The following NODAL variants were observed in gnomAD, a reference collection of about 807,000 sequenced individuals.
NODAL encodes the protein nodal growth differentiation factor.
NODAL carries 12 observed loss-of-function variants against 34.0 expected under a neutral mutation model. The observed-to-expected ratio is 0.35, with a 90% CI of 0.23 to 0.57. The LOEUF is 0.57. Ranked by LOEUF, NODAL falls within the 20% of genes least tolerant of loss-of-function variation. The pLI, the probability that NODAL is intolerant of heterozygous loss-of-function variation, is 0.83. For synonymous variants in NODAL, 162 were observed against 186.4 expected (o/e 0.87, Z 1.07); for missense variants, 390 against 444.2 (o/e 0.88, Z 1.10).
At position 70,435,267 on chromosome 10, in the gene NODAL, C is replaced by A. The variant is rs375311498; in HGVS notation, c.891+19G>T. ...GGCCAGCTTACTGCCTCCCCTCCCC[C>A]TCACGCCTGGCATCCCACCTGGATG... On this transcript the variant is annotated intron_variant, in intron 2 of 2. Coordinates refer to ENST00000287139, the MANE Select transcript of NODAL (RefSeq NM_018055.5). 1.3e-6 allele frequency: 2 copies of A among 1,591,284 alleles called. No individual in the cohort carries two copies. Among genetic ancestry groups the A allele is most frequent in the South Asian group, 2.3e-5 (2 of 88,094 alleles).
chr10:70,441,435 C>T (rs1448477792), intron 1 of NODAL, 40 bp downstream of exon 1: 3 of 1,542,322 alleles, frequency 1.9e-6, no homozygotes, highest in African/African-American at 1.4e-5. Context: ...GGAGGCGCCC[C>T]GGGGGTGCCC....
intron 1 of NODAL, among the ~76,000 whole-genome samples, chr10:70,438,145 T>C (rs533614119): frequency 1.3e-5 from 2 of 151,924 alleles, no homozygotes; most frequent in Admixed American, 1.3e-4. Context: ...AAATACAAAA[T>C]TAGCCAGGCA....
rs755116310 is a variant in NODAL, at chr10:70,435,342, C to T, written c.835G>A (p.Glu279Lys). The change falls in exon 2 of 3, where the codon GAG becomes AAG. Residue 279 changes from glutamate (E) to lysine (K), a missense_variant. Glu to Lys is a moderately conservative substitution (Grantham distance 56, BLOSUM62 1). Coordinates refer to ENST00000287139, the MANE Select transcript of NODAL (RefSeq NM_018055.5). ...TCCTCCCCAACAGGATTAGGACACT[C>T]GCCCTCACAGCGATAGGCGTTGTAC... ...KQYNAYRCEG[E>K]CPNPVGEEFH... 60 of 1,613,916 alleles carry T rather than the reference C, an allele frequency of 3.7e-5. No individual in the cohort carries two copies. The Middle Eastern group carries it at 8.2e-4, about 22-fold the overall frequency.
At position 70,435,703 on chromosome 10, in the gene NODAL, A is replaced by T. The variant is rs760060157; in HGVS notation, c.474T>A (p.Pro158=). The change falls in exon 2 of 3, where the codon CCT becomes CCA. Residue 158 remains proline (P), a synonymous_variant. Transcript: ENST00000287139. The part of the protein sequence containing the change: ...LGSMVLEVTR[P]LSKWLKHPGA... The stretch of plus-strand genomic sequence containing the variant: ...CAGGGTGCTTCAGCCACTTGGAGAG[A>T]GGCCTGGTCACCTCCAAAACCATGC... 7.0e-5 allele frequency: 113 copies of T among 1,614,060 alleles called. No individual in the cohort carries two copies. The highest frequency in any genetic ancestry group is 9.2e-5 in the Non-Finnish European group (108 of 1,180,038).
chr10:70,441,463 G>A lies in NODAL; in HGVS notation c.193+12C>T, dbSNP rs10999338. 0.43 allele frequency: 676,128 copies of A among 1,565,208 alleles called. 152,519 individuals carry two copies. The highest frequency in any genetic ancestry group is 0.57 in the East Asian group (23,658 of 41,806). ...GGGTGCCCAGCAGGGCGCGGCACGC[G>A]GCACTGCCTACCTTCTGCCTGTAGG... On this transcript the variant is annotated intron_variant, in intron 1 of 2. Transcript: ENST00000287139.
At chr10:70,441,167 G>C (rs1283840172) in intron 1 of NODAL, among the ~76,000 whole-genome samples, 1 of 152,210 alleles carries the variant, frequency 6.6e-6, no homozygotes, top group African/African-American at 2.4e-5. Flanking sequence ...CCACCCTTCC[G>C]CGCTGCGCTC....
upstream of NODAL, among the ~76,000 whole-genome samples, chr10:70,445,792 T>C (rs1845482837): frequency 6.6e-6 from 1 of 152,126 alleles, no homozygotes; most frequent in Non-Finnish European, 1.5e-5. Flanking sequence ...TGCTTCCCCA[T>C]AGAAGAGGAG....
intron 2 of NODAL, 32 bp downstream of exon 2, chr10:70,435,254 G>C: frequency 6.4e-7 from 1 of 1,566,380 alleles, no homozygotes; most frequent in Non-Finnish European, 8.7e-7. Context: ...CCAGCTTACT[G>C]CCTCCCCTCC....
chr10:70,447,364 G>A (rs145060013), intron 1 of NODAL, among the ~76,000 whole-genome samples: 224 of 151,856 alleles, frequency 1.5e-3, no homozygotes, highest in Admixed American at 4.4e-3. Flanking sequence ...ATGAGCTACC[G>A]CACCTGGCCA....
chr10:70,443,935 T>C (rs1412692776), upstream of NODAL, among the ~76,000 whole-genome samples: 496 of 147,098 alleles, frequency 3.4e-3, 13 homozygotes, highest in Non-Finnish European at 4.2e-3. Context: ...TGACTCCCCT[T>C]TTTTTTTTTT....
At chr10:70,439,350 T>G (rs1000606770) in intron 1 of NODAL, among the ~76,000 whole-genome samples, 1 of 152,082 alleles carries the variant, frequency 6.6e-6, no homozygotes, top group Non-Finnish European at 1.5e-5. Flanking sequence ...TGGGTTCCCT[T>G]CCAGTCACCG....
chr10:70,435,677 C>T lies in NODAL; in HGVS notation c.500G>A (p.Gly167Glu), dbSNP rs747861963. 15 of 1,613,944 alleles carry T rather than the reference C, an allele frequency of 9.3e-6. No homozygotes were observed. The South Asian group carries it at 1.1e-4, about 12-fold the overall frequency. ...RPLSKWLKHP[G>E]ALEKQMSRVA... ...CCTGGACATCTGCTTCTCCAGGGCC[C>T]CAGGGTGCTTCAGCCACTTGGAGAG... The change falls in exon 2 of 3, where the codon GGG becomes GAG. Residue 167 changes from glycine (G) to glutamate (E), a missense_variant. Physicochemically the swap from Gly to Glu is moderately conservative, Grantham distance 98. Coordinates refer to ENST00000287139, the MANE Select transcript of NODAL (RefSeq NM_018055.5).
chr10:70,441,009 G>A (rs563569765), intron 1 of NODAL, among the ~76,000 whole-genome samples: 1 of 152,348 alleles, frequency 6.6e-6, no homozygotes, highest in East Asian at 1.9e-4. Context: ...TGGCTGTGCC[G>A]GGTACTGCGC....
chr10:70,445,807 A>C (rs1286786057), upstream of NODAL, among the ~76,000 whole-genome samples: 1 of 152,092 alleles, frequency 6.6e-6, no homozygotes, highest in Non-Finnish European at 1.5e-5. Context: ...GAGGAGTGAA[A>C]ATGTGCCTTG....
chr10:70,439,574 G>A (rs7094345), intron 1 of NODAL, among the ~76,000 whole-genome samples: 26,240 of 152,130 alleles, frequency 0.17, 2,427 homozygotes, highest in African/African-American at 0.2. Flanking sequence ...AGGTTAAACG[G>A]CAACAGATAC....
chr10:70,433,931 G>T (rs1256067458), intron 2 of NODAL, among the ~76,000 whole-genome samples: 1 of 152,142 alleles, frequency 6.6e-6, no homozygotes, highest in Non-Finnish European at 1.5e-5. Context: ...GAGTGTCAGA[G>T]TTGGCAGTTG....
At position 70,435,327 on chromosome 10, in the gene NODAL, C is replaced by T. The variant is rs1310479365; in HGVS notation, c.850G>A (p.Val284Ile). 6.2e-7 allele frequency: 1 copy of T among 1,613,816 alleles called. No homozygotes were observed. Among genetic ancestry groups the T allele is most frequent in the South Asian group, 1.1e-5 (1 of 90,994 alleles). ...YRCEGECPNP[V>I]GEEFHPTNHA... ...TTGGTCGGATGAAACTCCTCCCCAACAGGATTAGGACACTCGCCCTCACAG... is the reference window on the plus strand; with the variant it reads ...TTGGTCGGATGAAACTCCTCCCCAATAGGATTAGGACACTCGCCCTCACAG... Residue 284 changes from valine to isoleucine, a missense_variant, in exon 2 of 3, where the codon GTT becomes ATT. Physicochemically the swap from Val to Ile is conservative, Grantham distance 29. Transcript: ENST00000287139.
intron 2 of NODAL, among the ~76,000 whole-genome samples, chr10:70,433,861 T>C (rs1283180586): frequency 6.6e-6 from 1 of 152,134 alleles, no homozygotes; most frequent in Non-Finnish European, 1.5e-5. Context: ...AAAGGAACAA[T>C]CCCTTGGCGT....
rs1845304025 is a variant in NODAL, at chr10:70,433,863, C to T, written c.892-775G>A. On this transcript the variant is annotated intron_variant, in intron 2 of 2. Coordinates refer to ENST00000287139, the MANE Select transcript of NODAL (RefSeq NM_018055.5). ...AGTCAATAGGAGGAAAGGAACAATCCCTTGGCGTTTTGGAACCAGGGCCTG... is the reference window on the plus strand; with the variant it reads ...AGTCAATAGGAGGAAAGGAACAATCTCTTGGCGTTTTGGAACCAGGGCCTG... 2.0e-5 allele frequency among the ~76,000 whole-genome samples: 3 copies of T among 152,132 alleles called. No homozygotes were observed. In the South Asian group the frequency reaches 6.2e-4, roughly 32 times the overall value.
Sources: gnomAD v4.1 joint callset for allele counts (sites outside exome capture counted in the v4.1 genomes callset) on GRCh38, gnomAD v4.1.1 for gene constraint, MANE v1.5 for transcripts, NCBI Gene and HGNC (gene_info 2026-07-23, HGNC 2026-07-21) for gene names.